PLEKHM1: variants seen among roughly 807,000 people sequenced by gnomAD.
PLEKHM1 encodes pleckstrin homology and RUN domain containing M1, also known as pleckstrin homology domain-containing family M member 1.
Under a neutral mutation model 94.3 loss-of-function variants are expected in PLEKHM1, and 28 were observed. That is an observed-to-expected ratio of 0.30 (90% CI 0.22 to 0.41). PLEKHM1 has a LOEUF of 0.41. Ranked by LOEUF, PLEKHM1 falls within the 10% of genes least tolerant of loss-of-function variation. The probability of loss-of-function intolerance (pLI) is 1.00; values close to 1 mark genes in which losing one functional copy is unlikely to be tolerated. For missense variants in PLEKHM1, 907 were observed against 1,358.6 expected, an observed-to-expected ratio of 0.67 and a Z score of 5.22; for synonymous variants, 424 against 581.2, an observed-to-expected ratio of 0.73 and a Z score of 3.89.
chr17:45,463,421 CT>C (rs2051216518), intron 5 of PLEKHM1, among the ~76,000 whole-genome samples: 1 of 152,182 alleles, frequency 6.6e-6, no homozygotes, highest in African/African-American at 2.4e-5. Flanking sequence ...GAGATGGAGT[CT>C]TACTCTGTTG....
At position 45,439,907 on chromosome 17, in the gene PLEKHM1, GAAAGGAGTATTCC is replaced by G. The variant is rs1352430109; in HGVS notation, c.2901+243_2901+255del. 2.2e-5 allele frequency: 14 copies of G among 638,066 alleles called. No homozygotes were observed. In the East Asian group the frequency reaches 3.5e-4, roughly 16 times the overall value. The allele number at this position is 638,066 out of a possible 1,614,324, so 39.5% of individuals were successfully genotyped here. On this transcript the variant is annotated intron_variant, in intron 10 of 11. Coordinates refer to ENST00000430334, the MANE Select transcript of PLEKHM1 (RefSeq NM_014798.3). ...AAATTCACTGTACCCTCCCCTTGGG[GAAAGGAGTATTCC>G]AAACTCTCTTCCCTGTGATCCTGGG...
chr17:45,478,192 A>G lies in PLEKHM1; in HGVS notation c.49-45T>C, dbSNP rs199704479. The G allele has an allele frequency of 1.3e-3, 2,145 of 1,613,320 alleles. 3 individuals carry two copies. Among genetic ancestry groups the G allele is most frequent in the Non-Finnish European group, 1.6e-3 (1,878 of 1,179,612 alleles). The stretch of plus-strand genomic sequence containing the variant: ...ACACAGGCCTTTAGCGGAAAATCCT[A>G]TGGAGAGTCCCTAGAGTGTAATCCT... On this transcript the variant is annotated intron_variant, in intron 2 of 11. Transcript: ENST00000430334.
intron 7 of PLEKHM1, among the ~76,000 whole-genome samples, chr17:45,451,769 A>T (rs1452162554): frequency 1.3e-5 from 2 of 152,058 alleles, no homozygotes; most frequent in Non-Finnish European, 2.9e-5. Flanking sequence ...GGTGGCAGCC[A>T]TGGTGAGAGT....
chr17:45,473,085 G>C (rs1266336198), intron 4 of PLEKHM1, among the ~76,000 whole-genome samples: 1 of 151,958 alleles, frequency 6.6e-6, no homozygotes, highest in Admixed American at 6.6e-5. Flanking sequence ...AGTGTAAATG[G>C]GCAATAATCT....
Position 45,475,464 on chromosome 17 carries a change from C to A in PLEKHM1, c.559G>T (p.Glu187Ter), listed in dbSNP as rs1408939279. ...ELSYKSAILNEWTLTPLALSG... is the reference protein window; with the variant it reads ...ELSYKSAILN ...AGGGCCAATGGGGTGAGCGTCCACT[C>A]ATTTAAGATGGCAGACTTGTAGGAG... The change falls in exon 4 of 12, where the codon GAG becomes TAG. Residue 187 changes from glutamate to a stop codon, truncating the protein, a stop_gained. Transcript: ENST00000430334. LOFTEE classifies it high-confidence loss of function. The A allele has an allele frequency of 6.2e-7, 1 of 1,612,870 alleles. No individual in the cohort carries two copies.
chr17:45,476,911 T>C (rs1352360250), intron 3 of PLEKHM1, among the ~76,000 whole-genome samples: 1 of 152,044 alleles, frequency 6.6e-6, no homozygotes, highest in African/African-American at 2.4e-5. Flanking sequence ...GACCAGATGA[T>C]GGACTCAAGG....
intron 8 of PLEKHM1, among the ~76,000 whole-genome samples, chr17:45,447,543 A>C (rs1393288843): frequency 6.6e-6 from 1 of 152,200 alleles, no homozygotes; most frequent in African/African-American, 2.4e-5. Context: ...GCGGGAATGG[A>C]GGAGACAGAA....
Position 45,475,227 on chromosome 17 carries a change from G to C in PLEKHM1, c.796C>G (p.Leu266Val), listed in dbSNP as rs772476173. ...TASSSQLSCS[L>V]NSDSCLLQEN... ...TGGAGTAAGCAGCTATCAGAGTTTA[G>C]GCTGCAGGACAGCTGGGATGAACTG... Residue 266 changes from leucine (L) to valine (V), a missense_variant, in exon 4 of 12, where the codon CTA (leucine) becomes GTA (valine). By Grantham distance (32) the Leu-to-Val change is conservative. This residue lies in a region of PLEKHM1 where 477 missense variants were observed against 601.5 expected (regional missense o/e 0.79). Coordinates refer to ENST00000430334, the MANE Select transcript of PLEKHM1 (RefSeq NM_014798.3). 6.2e-7 allele frequency: 1 copy of C among 1,613,970 alleles called. No individual in the cohort carries two copies. Among genetic ancestry groups the C allele is most frequent in the East Asian group, 2.2e-5 (1 of 44,892 alleles).
rs561587976 is a variant in PLEKHM1, at chr17:45,458,357, A to G, written c.1391T>C (p.Ile464Thr). 32 of 1,613,838 alleles carry G rather than the reference A, an allele frequency of 2.0e-5. No homozygotes were observed. The highest frequency in any genetic ancestry group is 6.7e-5 in the African/African-American group (5 of 74,920). Residue 464 changes from isoleucine (I) to threonine (T), a missense_variant, in exon 6 of 12, where the codon ATA (isoleucine) becomes ACA (threonine). Physicochemically the swap from Ile to Thr is moderately conservative, Grantham distance 89 (BLOSUM62 -1). Transcript: ENST00000430334. ...CCCTGGAGTCCCCCTGTAAGAAGCT[A>G]TTGGGTGGTCTGAAGCACTCTCCAG... ...QPLESASDHPIASYRGTPGSR... is the reference protein window; with the variant it reads ...QPLESASDHPTASYRGTPGSR...
At chr17:45,435,079 G>C (rs1028124164), downstream of PLEKHM1, among the ~76,000 whole-genome samples, 1 of 151,800 alleles carries the variant, frequency 6.6e-6, no homozygotes, top group African/African-American at 2.4e-5. Flanking sequence ...ACCAGGTCAC[G>C]TGCTGTGGCC....
intron 4 of PLEKHM1, among the ~76,000 whole-genome samples, chr17:45,474,691 T>C (rs2051651423): frequency 6.6e-6 from 1 of 152,174 alleles, no homozygotes; most frequent in African/African-American, 2.4e-5. Flanking sequence ...AGTTTTTGTT[T>C]TATTTATTTA....
At chr17:45,478,478 C>T (rs2051831176) in intron 2 of PLEKHM1, among the ~76,000 whole-genome samples, 1 of 152,094 alleles carries the variant, frequency 6.6e-6, no homozygotes, top group Non-Finnish European at 1.5e-5. Context: ...TAAATATTGG[C>T]CCCATCATAG....
intron 6 of PLEKHM1, among the ~76,000 whole-genome samples, chr17:45,455,871 T>A (rs1372540922): frequency 6.6e-6 from 1 of 152,156 alleles, no homozygotes; most frequent in Non-Finnish European, 1.5e-5. Flanking sequence ...AACTCCACAG[T>A]GGCGGCCATC....
chr17:45,470,115 A>G (rs28714458), intron 4 of PLEKHM1, among the ~76,000 whole-genome samples: 61,735 of 143,684 alleles, frequency 0.43, 10,844 homozygotes, highest in South Asian at 0.52. Context: ...ACACCAACAC[A>G]TTTTAATGGG....
intron 1 of PLEKHM1, among the ~76,000 whole-genome samples, chr17:45,488,494 C>T (rs555721346): frequency 6.6e-6 from 1 of 152,282 alleles, no homozygotes; most frequent in African/African-American, 2.4e-5. Context: ...AACTGTGGAG[C>T]TCCTGTCATT....
Position 45,436,751 on chromosome 17 carries a change from G to A in PLEKHM1, c.*1107C>T, listed in dbSNP as rs2145145004. 1 of 454,150 alleles carries A rather than the reference G, an allele frequency of 2.2e-6. No individual in the cohort carries two copies. The highest frequency in any genetic ancestry group is 6.9e-4 in the Middle Eastern group (1 of 1,444). 28.1% of individuals were successfully genotyped at this position (454,150 alleles called of 1,614,324 possible). ...AGTGTCCCGGCTGGGCAAGTTCAGTGATGCTTTGGGAATTCATGGCTTTGT... is the reference window on the plus strand; with the variant it reads ...AGTGTCCCGGCTGGGCAAGTTCAGTAATGCTTTGGGAATTCATGGCTTTGT... On this transcript the variant is annotated 3_prime_UTR_variant, in exon 12 of 12. Transcript: ENST00000430334.
At chr17:45,435,023 C>T (rs533215858), downstream of PLEKHM1, among the ~76,000 whole-genome samples, 6 of 148,596 alleles carry the variant, frequency 4.0e-5, no homozygotes, top group South Asian at 4.3e-4. Context: ...GCCTCAGGGG[C>T]GCTTTGCTGA....
At chr17:45,476,160 T>C (rs889769071) in intron 3 of PLEKHM1, 1 of 147,156 alleles carries the variant, frequency 6.8e-6, no homozygotes, top group Non-Finnish European at 1.5e-5. Context: ...TATTTATATA[T>C]AATAAATATA....
intron 4 of PLEKHM1, among the ~76,000 whole-genome samples, chr17:45,473,291 GAAA>G (rs201154042): frequency 6.6e-6 from 1 of 151,142 alleles, no homozygotes; most frequent in Non-Finnish European, 1.5e-5. Flanking sequence ...ATATGCAATA[GAAA>G]AAAAAAGAAT....
Sources: allele counts gnomAD v4.1 joint callset (sites outside exome capture counted in the v4.1 genomes callset), GRCh38; gene constraint gnomAD v4.1.1; regional missense constraint gnomAD v4.1.1; transcripts MANE v1.5; gene names NCBI Gene and HGNC (gene_info 2026-07-23, HGNC 2026-07-21).